Variants in PACRGL observed in about 807,000 individuals in gnomAD.
PACRGL encodes the protein PACRG-like protein.
In PACRGL, 38 loss-of-function variants were observed where a neutral mutation model predicts 34.5. The ratio of observed to expected loss-of-function variants is 1.10; its 90% CI spans 0.85 to 1.44. The LOEUF (loss-of-function observed/expected upper bound fraction) is 1.44. Among genes scored for constraint, PACRGL ranks in the 40% most tolerant of loss-of-function variants. The probability of loss-of-function intolerance (pLI) is 0.00; values close to 1 mark genes in which losing one functional copy is unlikely to be tolerated. For missense variants in PACRGL, 305 were observed against 281.4 expected (o/e 1.08, Z -0.60); for synonymous variants, 128 against 100.1 (o/e 1.28, Z -1.66).
chr4:20,715,883 G>A (rs372563744), intron 7 of PACRGL, among the ~76,000 whole-genome samples: 7 of 151,984 alleles, frequency 4.6e-5, no homozygotes, highest in Admixed American at 1.3e-4. Context: ...ACCAAAAGTC[G>A]AATGGATAAA....
At chr4:20,705,405 G>A (rs922061043) in intron 3 of PACRGL, among the ~76,000 whole-genome samples, 5 of 152,156 alleles carry the variant, frequency 3.3e-5, no homozygotes, top group African/African-American at 1.2e-4. Flanking sequence ...GATTGTGAGG[G>A]TGGCTGAAGC....
At chr4:20,752,905 C>T (rs1753893038), downstream of PACRGL, 1 of 152,208 alleles carries the variant, frequency 6.6e-6, no homozygotes, top group South Asian at 2.1e-4. Context: ...GAGTGATTAA[C>T]TGACTTCTTG....
chr4:20,753,823 G>A (rs899231280), downstream of PACRGL, among the ~76,000 whole-genome samples: 4 of 152,110 alleles, frequency 2.6e-5, no homozygotes, highest in African/African-American at 9.7e-5. Flanking sequence ...TATGTCTACA[G>A]AACTCATCTG....
At chr4:20,701,750 C>A (rs376457486) in intron 1 of PACRGL, 5 of 409,664 alleles carry the variant, frequency 1.2e-5, no homozygotes, top group Non-Finnish European at 2.0e-5. Context: ...CTCCCTCCCT[C>A]CCCCCAGTCT....
At chr4:20,703,119 G>T (rs1171256425) in intron 1 of PACRGL, among the ~76,000 whole-genome samples, 1 of 152,176 alleles carries the variant, frequency 6.6e-6, no homozygotes, top group East Asian at 1.9e-4. Flanking sequence ...ATTTTAAAAA[G>T]TATCAGTGTT....
chr4:20,748,398 A>G (rs1752826668), intron 8 of PACRGL, among the ~76,000 whole-genome samples: 1 of 151,612 alleles, frequency 6.6e-6, no homozygotes, highest in Non-Finnish European at 1.5e-5. Context: ...CATCAGTTGC[A>G]CTGAGCAGGC....
At chr4:20,715,059 T>G (rs1000013014) in intron 7 of PACRGL, among the ~76,000 whole-genome samples, 1 of 152,162 alleles carries the variant, frequency 6.6e-6, no homozygotes, top group African/African-American at 2.4e-5. Flanking sequence ...ATTAAGAAAA[T>G]GTGGTACATA....
rs529855295 is a variant in PACRGL, at chr4:20,743,568, T to C, written c.*57-8997T>C. 2.2e-3 allele frequency among the ~76,000 whole-genome samples: 332 copies of C among 152,322 alleles called. 8 individuals are homozygous for C. The South Asian group carries it at 0.042, about 19-fold the overall frequency. ...GTGCTGGGAAAACTGGCTAGCCATA[T>C]GTAGAAAGCTGAAACTGGATCCCTT... is the stretch of plus-strand genomic sequence containing the variant. On this transcript the variant is annotated intron_variant, in intron 8 of 8. Coordinates refer to the PACRGL transcript ENST00000507634.
rs779176666 is a variant in PACRGL at position 20,730,337 on chromosome 4, G to A, written c.*2996G>A. ...ATGAAGGACCCATTTTATATTTTGT[G>A]GAGTCTATTGACCAGGCATTAAACC... On this transcript the variant is annotated 3_prime_UTR_variant, in exon 9 of 9. Transcript: ENST00000503585. Among the ~76,000 whole-genome samples the A allele has an allele frequency of 6.6e-6, 1 of 152,106 alleles. No individual in the cohort carries two copies. The highest frequency in any genetic ancestry group is 1.5e-5 in the Non-Finnish European group (1 of 68,016).
downstream of PACRGL, among the ~76,000 whole-genome samples, chr4:20,757,808 T>C (rs995448523): frequency 2.0e-5 from 3 of 152,146 alleles, no homozygotes; most frequent in Non-Finnish European, 2.9e-5. Context: ...TGTTGGATGG[T>C]GAGGCATGCC....
the PACRGL span, among the ~76,000 whole-genome samples, chr4:20,762,640 A>T: frequency 6.6e-6 from 1 of 152,248 alleles, no homozygotes; most frequent in African/African-American, 2.4e-5. Flanking sequence ...AGCAAAGTGT[A>T]AAACATAAAC....
At chr4:20,704,081 C>A (rs1733472473) in intron 1 of PACRGL, among the ~76,000 whole-genome samples, 1 of 152,118 alleles carries the variant, frequency 6.6e-6, no homozygotes, top group Admixed American at 6.5e-5. Flanking sequence ...ACATTTGGAG[C>A]TTTGGAAATA....
Position 20,727,969 on chromosome 4 carries a change from T to G in PACRGL, c.*628T>G, listed in dbSNP as rs1219688856. 1 of 152,430 alleles carries G rather than the reference T, an allele frequency of 6.6e-6. No homozygotes were observed. Among genetic ancestry groups the G allele is most frequent in the African/African-American group, 2.4e-5 (1 of 41,430 alleles). 9.4% of individuals were successfully genotyped at this position (152,430 alleles called of 1,614,324 possible). On this transcript the variant is annotated 3_prime_UTR_variant, in exon 9 of 9. Transcript: ENST00000503585. ...ATGCCCAGCTAATTTTGAAATTTGC[T>G]TGTAGAGATGGGATCTCACTCTGTT...
At position 20,729,839 on chromosome 4, in the gene PACRGL, A is replaced by C; in HGVS notation, c.*2498A>C. ...TATATGCCAGATTCTATTACTTTTG[A>C]ATATTCACAGAGTATGAAATGAGTT... On this transcript the variant is annotated 3_prime_UTR_variant, in exon 9 of 9. Coordinates refer to ENST00000503585, the MANE Select transcript of PACRGL (RefSeq NM_001258345.3). 2.6e-6 allele frequency: 1 copy of C among 383,128 alleles called. No individual in the cohort carries two copies. The highest frequency in any genetic ancestry group is 4.4e-5 in the Admixed American group (1 of 22,938). The allele number at this position is 383,128 out of a possible 1,614,324, so 23.7% of individuals were successfully genotyped here.
intron 8 of PACRGL, among the ~76,000 whole-genome samples, chr4:20,743,148 T>A (rs190062279): frequency 6.6e-6 from 1 of 152,104 alleles, no homozygotes; most frequent in Non-Finnish European, 1.5e-5. Context: ...ACATTCCATG[T>A]TCATGGATAG....
In PACRGL at chr4:20,729,600, T is replaced by TTCTAACAG. The variant is rs1480369161; in HGVS notation, c.*2259_*2260insTCTAACAG. 1 of 149,670 alleles carries TTCTAACAG rather than the reference T, an allele frequency of 6.7e-6. No individual in the cohort carries two copies. Among genetic ancestry groups the TTCTAACAG allele is most frequent in the African/African-American group, 2.5e-5 (1 of 40,050 alleles). 9.3% of individuals were successfully genotyped at this position (149,670 alleles called of 1,614,324 possible). A position where few individuals can be genotyped will look rare whatever the true frequency, so the allele number is the denominator to read the frequency against. Reference sequence around the variant, plus strand: ...TTTAATTGTTGTAATCTTGTTTCCTTAAAGTATATAAATGGAATTTAAATG... The same window carrying TTCTAACAG: ...TTTAATTGTTGTAATCTTGTTTCCTTTCTAACAGAAAGTATATAAATGGAATTTAAATG... On this transcript the variant is annotated 3_prime_UTR_variant, in exon 9 of 9. Transcript: ENST00000503585.
rs1731750919 is a variant in PACRGL at position 20,700,656 on chromosome 4, C to T, written c.-148C>T. On this transcript the variant is annotated 5_prime_UTR_variant, in exon 1 of 9. Transcript: ENST00000503585. ...GCTCTCTGCCAAGCCGGCTTGCTTC[C>T]TGATCTGTTGCTAGGGCCGCTGGAC... 6.6e-6 allele frequency: 1 copy of T among 152,182 alleles called. No individual in the cohort carries two copies. Among genetic ancestry groups the T allele is most frequent in the Admixed American group, 6.5e-5 (1 of 15,272 alleles). The allele number at this position is 152,182 out of a possible 1,614,324, so 9.4% of individuals were successfully genotyped here. A position where few individuals can be genotyped will look rare whatever the true frequency, so the allele number is the denominator to read the frequency against.
In PACRGL at chr4:20,729,798, A is replaced by G. The variant is rs1424675370; in HGVS notation, c.*2457A>G. On this transcript the variant is annotated 3_prime_UTR_variant, in exon 9 of 9. Transcript: ENST00000503585. ...TGAAAGCCTCAATAATCCCATGGCTAAGGAACCAATAAAACTATATGCCAG... is the reference window on the plus strand; with the variant it reads ...TGAAAGCCTCAATAATCCCATGGCTGAGGAACCAATAAAACTATATGCCAG... 1 of 302,984 alleles carries G rather than the reference A, an allele frequency of 3.3e-6. No individual in the cohort carries two copies. Among genetic ancestry groups the G allele is most frequent in the Non-Finnish European group, 6.0e-6 (1 of 165,616 alleles). The allele number at this position is 302,984 out of a possible 1,614,324, so 18.8% of individuals were successfully genotyped here. A position where few individuals can be genotyped will look rare whatever the true frequency, so the allele number is the denominator to read the frequency against.
Position 20,747,751 on chromosome 4 carries a change from C to G in PACRGL, c.*57-4814C>G, listed in dbSNP as rs369120548. 2.0e-5 allele frequency among the ~76,000 whole-genome samples: 3 copies of G among 152,202 alleles called. No homozygotes were observed. The South Asian group carries it at 6.2e-4, about 32-fold the overall frequency. ...CCCAGAATCTTCGCAGTTGTGGTACCCAGTCTGCATGAGCATGGAGTATGT... is the reference window on the plus strand; with the variant it reads ...CCCAGAATCTTCGCAGTTGTGGTACGCAGTCTGCATGAGCATGGAGTATGT... On this transcript the variant is annotated intron_variant, in intron 8 of 8. Transcript: ENST00000507634.
Sources: gnomAD v4.1 joint callset for allele counts (sites outside exome capture counted in the v4.1 genomes callset) on GRCh38, gnomAD v4.1.1 for gene constraint, MANE v1.5 for transcripts, NCBI Gene and HGNC (gene_info 2026-07-23, HGNC 2026-07-21) for gene names.